The following CFTR variants were observed in gnomAD, a reference collection of about 807,000 sequenced individuals.
The protein encoded by CFTR is CF transmembrane conductance regulator, also known as cystic fibrosis transmembrane conductance regulator.
In CFTR, 181 loss-of-function variants were observed where a neutral mutation model predicts 171.6. The ratio of observed to expected loss-of-function variants is 1.05; its 90% CI spans 0.93 to 1.19. The LOEUF (loss-of-function observed/expected upper bound fraction) is 1.19, where lower values mean the gene tolerates loss of function less well. Among genes scored for constraint, CFTR ranks in the 50% most tolerant of loss-of-function variants. The pLI is 0.00. For synonymous variants in CFTR, 583 were observed against 608.0 expected, an observed-to-expected ratio of 0.96 and a Z score of 0.60; for missense variants, 1,968 against 1,734.7, an observed-to-expected ratio of 1.13 and a Z score of -2.39.
intron 21 of CFTR, among the ~76,000 whole-genome samples, chr7:117,616,047 A>C (rs1460958621): frequency 6.6e-6 from 1 of 152,052 alleles, no homozygotes; most frequent in Non-Finnish European, 1.5e-5. Context: ...TCAGCTATAA[A>C]ATTTGTATGA....
chr7:117,480,246 T>A lies in CFTR; in HGVS notation c.53+99T>A, dbSNP rs2090292027. The stretch of plus-strand genomic sequence containing the variant: ...TTGGGGTAAAGGAATAAGCAGTTTT[T>A]AAAAAGATGCGCTATCATTCATTGT... On this transcript the variant is annotated intron_variant, in intron 1 of 26. Transcript: ENST00000003084. 15 of 1,015,702 alleles carry A rather than the reference T, an allele frequency of 1.5e-5. 1 individual carries two copies. The South Asian group carries it at 1.6e-4, about 11-fold the overall frequency. The allele number at this position is 1,015,702 out of a possible 1,614,324, so 62.9% of individuals were successfully genotyped here. A position where few individuals can be genotyped will look rare whatever the true frequency, so the allele number is the denominator to read the frequency against.
intron 9 of CFTR, among the ~76,000 whole-genome samples, chr7:117,547,857 A>G (rs768411363): frequency 1.3e-5 from 2 of 152,182 alleles, no homozygotes; most frequent in Non-Finnish European, 2.9e-5. Context: ...GTAGGTCAGG[A>G]GAAATGATAG....
intron 22 of CFTR, among the ~76,000 whole-genome samples, chr7:117,632,980 C>G (rs1454895762): frequency 6.6e-6 from 1 of 152,114 alleles, no homozygotes. Context: ...TCTTTTGATA[C>G]AGTGTTGGCT....
At chr7:117,506,628 G>C (rs2116638110) in intron 2 of CFTR, among the ~76,000 whole-genome samples, 1 of 152,254 alleles carries the variant, frequency 6.6e-6, no homozygotes, top group Non-Finnish European at 1.5e-5. Context: ...TGATACATTT[G>C]TATTTATGGC....
intron 21 of CFTR, among the ~76,000 whole-genome samples, chr7:117,615,705 A>G (rs529450658): frequency 6.6e-6 from 1 of 152,022 alleles, no homozygotes; most frequent in South Asian, 2.1e-4. Context: ...CTAATACCAT[A>G]TCAGGGGCAC....
chr7:117,518,292 A>G (rs1476084865), intron 3 of CFTR, among the ~76,000 whole-genome samples: 1 of 147,602 alleles, frequency 6.8e-6, no homozygotes, highest in African/African-American at 2.5e-5. Flanking sequence ...TTATTATAAT[A>G]TATAATACAA....
At chr7:117,645,404 A>G (rs1055337837) in intron 23 of CFTR, among the ~76,000 whole-genome samples, 1 of 152,198 alleles carries the variant, frequency 6.6e-6, no homozygotes, top group Non-Finnish European at 1.5e-5. Context: ...TCAGAGATCA[A>G]AGGAAGAAAG....
At chr7:117,599,638 G>T (rs990833490) in intron 15 of CFTR, among the ~76,000 whole-genome samples, 1 of 152,064 alleles carries the variant, frequency 6.6e-6, no homozygotes. Context: ...TCTAGACCTT[G>T]CCAGTTAACT....
chr7:117,531,021 T>G lies in CFTR; in HGVS notation c.396T>G (p.Ile132Met). The G allele has an allele frequency of 1.2e-5, 19 of 1,613,830 alleles. No individual in the cohort carries two copies. Among genetic ancestry groups the G allele is most frequent in the Non-Finnish European group, 1.6e-5 (19 of 1,179,828 alleles). ...GCATAGGCTTATGCCTTCTCTTTAT[T>G]GTGAGGACACTGCTCCTACACCCAG... ...YLGIGLCLLF[I>M]VRTLLLHPAI... Residue 132 changes from isoleucine (I) to methionine (M), a missense_variant, in exon 4 of 27, where the codon ATT (isoleucine) becomes ATG (methionine). Coordinates refer to ENST00000003084, the MANE Select transcript of CFTR (RefSeq NM_000492.4).
intron 10 of CFTR, among the ~76,000 whole-genome samples, chr7:117,556,848 A>T (rs1244785200): frequency 6.6e-6 from 1 of 150,930 alleles, no homozygotes; most frequent in Non-Finnish European, 1.5e-5. Flanking sequence ...TATTTTTGCA[A>T]CTCCTTTATT....
At chr7:117,616,882 A>T (rs571318396) in intron 21 of CFTR, among the ~76,000 whole-genome samples, 1 of 152,280 alleles carries the variant, frequency 6.6e-6, no homozygotes, top group South Asian at 2.1e-4. Context: ...ATGGGCATTT[A>T]TCTGGTTAAT....
At chr7:117,567,535 C>A (rs767764577) in intron 11 of CFTR, among the ~76,000 whole-genome samples, 5 of 152,100 alleles carry the variant, frequency 3.3e-5, no homozygotes, top group African/African-American at 4.8e-5. Flanking sequence ...GTTTAGTTAT[C>A]CTTGAATTAG....
At chr7:117,535,494 T>A in intron 6 of CFTR, 83 bp downstream of exon 6, 1 of 1,140,854 alleles carries the variant, frequency 8.8e-7, no homozygotes, top group Non-Finnish European at 1.3e-6. Flanking sequence ...GACTGCTCTA[T>A]GCATAGAACA....
intron 15 of CFTR, among the ~76,000 whole-genome samples, chr7:117,596,937 GA>G (rs935725391): frequency 9.9e-5 from 15 of 152,170 alleles, no homozygotes; most frequent in Non-Finnish European, 5.9e-5. Flanking sequence ...CTAGCTCAGG[GA>G]TTGTAAACGC....
intron 17 of CFTR, among the ~76,000 whole-genome samples, chr7:117,604,142 T>C (rs1267705326): frequency 2.0e-5 from 3 of 151,900 alleles, no homozygotes; most frequent in Non-Finnish European, 2.9e-5. Context: ...GGGCAGGAGA[T>C]TTGAAGTGAT....
chr7:117,559,367 A>G (rs1799414519), intron 10 of CFTR, 97 bp from the exon 11 acceptor site: 1 of 832,908 alleles, frequency 1.2e-6, no homozygotes, highest in Non-Finnish European at 2.1e-6. Flanking sequence ...ATCTTTACAA[A>G]TAAGAATATA....
chr7:117,596,692 G>A (rs539203428), intron 15 of CFTR, among the ~76,000 whole-genome samples: 1 of 152,320 alleles, frequency 6.6e-6, no homozygotes, highest in African/African-American at 2.4e-5. Flanking sequence ...CCTGTGTCTA[G>A]CTCAGGGTTT....
intron 13 of CFTR, among the ~76,000 whole-genome samples, chr7:117,590,965 T>A (rs904093189): frequency 2.0e-4 from 31 of 152,070 alleles, no homozygotes; most frequent in African/African-American, 7.2e-4. Flanking sequence ...GGGTCCAATG[T>A]ACATGAAATT....
intron 22 of CFTR, 193 bp downstream of exon 22, chr7:117,627,963 T>C (rs1426657456): frequency 3.5e-6 from 2 of 569,782 alleles, no homozygotes; most frequent in African/African-American, 3.8e-5. Context: ...CCTGAACCTA[T>C]ATAATGGGTT....
Sources: gnomAD v4.1 joint callset for allele counts (sites outside exome capture counted in the v4.1 genomes callset) on GRCh38, gnomAD v4.1.1 for gene constraint, MANE v1.5 for transcripts, NCBI Gene and HGNC (gene_info 2026-07-23, HGNC 2026-07-21) for gene names.